HS6ST3: variants seen among roughly 807,000 people sequenced by gnomAD.
The protein encoded by HS6ST3 is heparan sulfate 6-O-sulfotransferase 3.
In HS6ST3, 12 loss-of-function variants were observed where a neutral mutation model predicts 36.7. The observed-to-expected ratio is 0.33, with a 90% CI of 0.21 to 0.53. The LOEUF is 0.53. Ranked by LOEUF, HS6ST3 falls within the 20% of genes least tolerant of loss-of-function variation. The pLI, the probability that HS6ST3 is intolerant of heterozygous loss-of-function variation, is 0.95. For synonymous variants in HS6ST3, 240 were observed against 257.5 expected (o/e 0.93, Z 0.65); for missense variants, 584 against 640.9 (o/e 0.91, Z 0.96).
intron 1 of HS6ST3, among the ~76,000 whole-genome samples, chr13:96,809,394 G>A (rs1017785204): frequency 6.6e-5 from 10 of 152,242 alleles, no homozygotes; most frequent in Non-Finnish European, 8.8e-5. Context: ...AAAAATATGC[G>A]ATTTTGTATC....
At chr13:96,098,383 C>G (rs1008506065) in intron 1 of HS6ST3, among the ~76,000 whole-genome samples, 1 of 151,908 alleles carries the variant, frequency 6.6e-6, no homozygotes, top group Non-Finnish European at 1.5e-5. Flanking sequence ...GGTTGGAGAT[C>G]GTAATATTGG....
chr13:96,713,111 T>G (rs889987358), intron 1 of HS6ST3, among the ~76,000 whole-genome samples: 1 of 152,232 alleles, frequency 6.6e-6, no homozygotes, highest in Admixed American at 6.5e-5. Flanking sequence ...TGGCCTTTTT[T>G]GGGTGTTGAT....
At chr13:96,791,597 C>T (rs2138520649) in intron 1 of HS6ST3, among the ~76,000 whole-genome samples, 1 of 152,010 alleles carries the variant, frequency 6.6e-6, no homozygotes, top group East Asian at 1.9e-4. Flanking sequence ...AAATAATACC[C>T]CCATTGTCAT....
At chr13:96,759,350 GT>G (rs1259548171) in intron 1 of HS6ST3, among the ~76,000 whole-genome samples, 1 of 151,654 alleles carries the variant, frequency 6.6e-6, no homozygotes, top group African/African-American at 2.4e-5. Context: ...CATCCCATCA[GT>G]TTTCTGTTTC....
At chr13:96,300,350 C>T (rs1594746965) in intron 1 of HS6ST3, among the ~76,000 whole-genome samples, 1 of 152,026 alleles carries the variant, frequency 6.6e-6, no homozygotes, top group East Asian at 1.9e-4. Flanking sequence ...AGCCACCACA[C>T]CTGGCCGTGG....
At chr13:96,694,054 C>A (rs1875053208) in intron 1 of HS6ST3, among the ~76,000 whole-genome samples, 1 of 151,974 alleles carries the variant, frequency 6.6e-6, no homozygotes, top group Non-Finnish European at 1.5e-5. Flanking sequence ...GGTACATGTG[C>A]AGATTCATTA....
intron 1 of HS6ST3, among the ~76,000 whole-genome samples, chr13:96,473,106 A>T (rs912233011): frequency 3.9e-5 from 6 of 152,184 alleles, no homozygotes; most frequent in Non-Finnish European, 8.8e-5. Flanking sequence ...TTTCAAGGCT[A>T]CTACCTTGCC....
rs1189451346 is a variant in HS6ST3, at chr13:96,157,607, A to G, written c.707+66038A>G. On this transcript the variant is annotated intron_variant, in intron 1 of 1. Coordinates refer to ENST00000376705, the MANE Select transcript of HS6ST3 (RefSeq NM_153456.4). The stretch of plus-strand genomic sequence containing the variant: ...CTGACTTGGGAAACTGGTGTGCTCA[A>G]GAGAAACTCTTTTATTTGTTCAGTG... 1.3e-5 allele frequency among the ~76,000 whole-genome samples: 2 copies of G among 152,230 alleles called. 1 individual carries two copies. The highest frequency in any genetic ancestry group is 3.8e-4 in the East Asian group (2 of 5,196).
At chr13:96,441,678 GC>G (rs1303912546) in intron 1 of HS6ST3, among the ~76,000 whole-genome samples, 2 of 152,102 alleles carry the variant, frequency 1.3e-5, no homozygotes, top group African/African-American at 4.8e-5. Flanking sequence ...ATAAAACAGA[GC>G]ATGATGCTGT....
At chr13:96,107,884 G>A (rs555065625) in intron 1 of HS6ST3, among the ~76,000 whole-genome samples, 15 of 151,898 alleles carry the variant, frequency 9.9e-5, no homozygotes, top group East Asian at 7.7e-4. Flanking sequence ...CATCATCTTC[G>A]TAAGCTGAGG....
At chr13:96,367,128 T>C (rs760139404) in intron 1 of HS6ST3, among the ~76,000 whole-genome samples, 6 of 152,206 alleles carry the variant, frequency 3.9e-5, no homozygotes, top group Admixed American at 6.5e-5. Flanking sequence ...AACTGAGCCA[T>C]GAATAATTAT....
chr13:96,618,207 C>T (rs1343052732), intron 1 of HS6ST3, among the ~76,000 whole-genome samples: 1 of 152,174 alleles, frequency 6.6e-6, no homozygotes, highest in Admixed American at 6.5e-5. Context: ...TCAAGTAATC[C>T]TTTCTCACAG....
intron 1 of HS6ST3, among the ~76,000 whole-genome samples, chr13:96,181,574 G>A (rs1267501381): frequency 6.6e-6 from 1 of 152,148 alleles, no homozygotes; most frequent in Non-Finnish European, 1.5e-5. Flanking sequence ...GTTGCAGATG[G>A]TCTGCTTTTC....
chr13:96,467,015 G>A (rs569692261), intron 1 of HS6ST3, among the ~76,000 whole-genome samples: 14 of 152,112 alleles, frequency 9.2e-5, no homozygotes, highest in Middle Eastern at 3.2e-3. Context: ...AGCACAAGAA[G>A]CTGCTTTCCT....
At chr13:96,615,062 A>T (rs969439119) in intron 1 of HS6ST3, among the ~76,000 whole-genome samples, 1 of 152,076 alleles carries the variant, frequency 6.6e-6, no homozygotes, top group Non-Finnish European at 1.5e-5. Context: ...TTATATAATA[A>T]CTCATCTTAG....
intron 1 of HS6ST3, among the ~76,000 whole-genome samples, chr13:96,230,831 G>A (rs1392238015): frequency 6.6e-6 from 1 of 152,202 alleles, no homozygotes; most frequent in Non-Finnish European, 1.5e-5. Context: ...GATGGTTCAT[G>A]ATATAGCAGA....
intron 1 of HS6ST3, among the ~76,000 whole-genome samples, chr13:96,141,552 T>C (rs1310143282): frequency 1.3e-5 from 2 of 152,066 alleles, no homozygotes; most frequent in South Asian, 2.1e-4. Flanking sequence ...GGTCTCGAAC[T>C]CCTGGCCTCA....
chr13:96,249,225 A>G (rs1383958236), intron 1 of HS6ST3, among the ~76,000 whole-genome samples: 1 of 152,130 alleles, frequency 6.6e-6, no homozygotes, highest in Admixed American at 6.6e-5. Context: ...TGCTACTTCA[A>G]ATATAACATA....
intron 1 of HS6ST3, among the ~76,000 whole-genome samples, chr13:96,142,500 C>T (rs2054036822): frequency 6.6e-6 from 1 of 152,060 alleles, no homozygotes; most frequent in South Asian, 2.1e-4. Context: ...TCTCAGCTCT[C>T]CACCAAAGTG....
Sources: allele counts gnomAD v4.1 joint callset (sites outside exome capture counted in the v4.1 genomes callset), GRCh38; gene constraint gnomAD v4.1.1; transcripts MANE v1.5; gene names NCBI Gene and HGNC (gene_info 2026-07-23, HGNC 2026-07-21).